Variants in CASKIN1 observed in about 807,000 individuals in gnomAD.
CASKIN1 encodes the protein caskin-1.
CASKIN1 carries 42 observed loss-of-function variants against 117.5 expected under a neutral mutation model. The observed-to-expected ratio is 0.36, with a 90% CI of 0.28 to 0.46. The LOEUF (loss-of-function observed/expected upper bound fraction) is 0.46, where lower values mean the gene tolerates loss of function less well. Ranked by LOEUF, CASKIN1 falls within the 20% of genes least tolerant of loss-of-function variation. The pLI is 1.00. For missense variants in CASKIN1, 2,083 were observed against 2,077.3 expected (o/e 1.00, Z -0.05); for synonymous variants, 1,148 against 961.7 (o/e 1.19, Z -3.59).
At position 2,184,781 on chromosome 16, in the gene CASKIN1, C is replaced by T. The variant is rs560777016; in HGVS notation, c.1412G>A (p.Gly471Asp). The change falls in exon 14 of 20, where the codon GGC becomes GAC. Residue 471 changes from glycine (G) to aspartate (D), a missense_variant. Transcript: ENST00000343516. ...PPKKLEPASE[G>D]KSSEAVSQWL... is the part of the protein sequence containing the mutation. ...GAACACCCCCAAGCCCTGTACCTTG[C>T]CCTCCGATGCTGGCTCCAGCTTCTT... The T allele has an allele frequency of 1.9e-5, 29 of 1,518,586 alleles. No homozygotes were observed. Among genetic ancestry groups the T allele is most frequent in the Non-Finnish European group, 2.5e-5 (28 of 1,133,904 alleles). 94.1% of individuals were successfully genotyped at this position (1,518,586 alleles called of 1,614,324 possible).
Position 2,187,442 on chromosome 16 carries a change from T to C in CASKIN1, c.637A>G (p.Ile213Val), listed in dbSNP as rs903659369. The C allele has an allele frequency of 3.1e-6, 5 of 1,606,980 alleles. No individual in the cohort carries two copies. Among genetic ancestry groups the C allele is most frequent in the Admixed American group, 1.7e-5 (1 of 60,020 alleles). Residue 213 changes from isoleucine to valine, a missense_variant, in exon 7 of 20, where the codon ATC becomes GTC. Coordinates refer to ENST00000343516, the MANE Select transcript of CASKIN1 (RefSeq NM_020764.4). ...DIIRLLLQAG[I>V]DINRQTKSGT... is the part of the protein sequence containing the mutation. ...GACTTGGTCTGGCGGTTAATGTCGA[T>C]GCCGGCTTGGAGGAGGAGCCTGGCG...
At position 2,186,665 on chromosome 16, in the gene CASKIN1, C is replaced by T. The variant is rs368667967; in HGVS notation, c.1048+42G>A. 48 of 1,560,318 alleles carry T rather than the reference C, an allele frequency of 3.1e-5. No individual in the cohort carries two copies. The African/African-American group carries it at 5.9e-4, about 19-fold the overall frequency. ...CACTCGCTGCTTCCAGCCCCCAAGC[C>T]CAGGGGCTCCTGCCTGCCCCCCAGG... On this transcript the variant is annotated intron_variant, in intron 10 of 19. Coordinates refer to ENST00000343516, the MANE Select transcript of CASKIN1 (RefSeq NM_020764.4).
In CASKIN1 at chr16:2,177,700, C is replaced by T. The variant is rs909781831; in HGVS notation, c.*850G>A. 4 of 242,192 alleles carry T rather than the reference C, an allele frequency of 1.7e-5. No individual in the cohort carries two copies. Among genetic ancestry groups the T allele is most frequent in the Non-Finnish European group, 2.4e-5 (3 of 123,036 alleles). The allele number at this position is 242,192 out of a possible 1,614,324, so 15.0% of individuals were successfully genotyped here. A position where few individuals can be genotyped will look rare whatever the true frequency, so the allele number is the denominator to read the frequency against. On this transcript the variant is annotated 3_prime_UTR_variant, in exon 20 of 20. Transcript: ENST00000343516. ...TGGCCTGCTACATGCCCTGCTTCCACGTGGCTGCCACGCTGACACACCCAC... is the reference window on the plus strand; with the variant it reads ...TGGCCTGCTACATGCCCTGCTTCCATGTGGCTGCCACGCTGACACACCCAC...
chr16:2,188,928 C>T (rs984352544), intron 6 of CASKIN1, 99 bp downstream of exon 6: 6 of 1,502,714 alleles, frequency 4.0e-6, no homozygotes, highest in South Asian at 1.3e-5. Flanking sequence ...CTGCCTGCTC[C>T]CGCCCTATCC....
Position 2,180,078 on chromosome 16 carries a change from C to T in CASKIN1, c.3290G>A (p.Arg1097Gln), listed in dbSNP as rs867315410. 11 of 1,568,932 alleles carry T rather than the reference C, an allele frequency of 7.0e-6. No individual in the cohort carries two copies. The East Asian group carries it at 7.2e-5, about 10-fold the overall frequency. Reference sequence around the variant, plus strand: ...CTTGGAGGGACCCCGAGGCCGCTGCCGGCCAGTGCCATCCTCCACAAAGGG... The same window carrying T: ...CTTGGAGGGACCCCGAGGCCGCTGCTGGCCAGTGCCATCCTCCACAAAGGG... The part of the protein sequence containing the change: ...PGPFVEDGTG[R>Q]QRPRGPSKGE... The change falls in exon 18 of 20, where the codon CGG (arginine) becomes CAG (glutamine). Residue 1097 changes from arginine to glutamine, a missense_variant. Coordinates refer to ENST00000343516, the MANE Select transcript of CASKIN1 (RefSeq NM_020764.4).
rs1394286547 is a variant in CASKIN1 at position 2,187,461 on chromosome 16, C to G, written c.618G>C (p.Arg206Ser). The change falls in exon 7 of 20, where the codon AGG (arginine) becomes AGC (serine). Residue 206 changes from arginine to serine, a missense_variant and splice_region_variant. By Grantham distance (110) the Arg-to-Ser change is moderately radical (BLOSUM62 -1). Around this residue, in one of 3 missense-constraint regions of CASKIN1, gnomAD observed 203 missense variants for 338.7 expected, o/e 0.60. Transcript: ENST00000343516. Reference protein sequence around the residue: ...AAKNGHIDIIRLLLQAGIDIN... With the variant: ...AAKNGHIDIISLLLQAGIDIN... ...TGTCGATGCCGGCTTGGAGGAGGAG[C>G]CTGGCGGGAAGGCAAGGTGGACAGG... The G allele has an allele frequency of 6.2e-7, 1 of 1,602,806 alleles. No homozygotes were observed. The highest frequency in any genetic ancestry group is 8.5e-7 in the Non-Finnish European group (1 of 1,179,638).
In CASKIN1 at chr16:2,184,828, C is replaced by A; in HGVS notation, c.1365G>T (p.Gln455His). The A allele has an allele frequency of 6.4e-7, 1 of 1,557,746 alleles. No homozygotes were observed. Among genetic ancestry groups the A allele is most frequent in the African/African-American group, 1.4e-5 (1 of 73,074 alleles). ...TCTTGGGCGGCTGCTCCCCATAGAC[C>A]TGCCCGGCGTGGGCCACTGGAGGCT... is the stretch of plus-strand genomic sequence containing the variant. ...RSQPPVAHAG[Q>H]VYGEQPPKKL... Residue 455 changes from glutamine (Q) to histidine (H), a missense_variant, in exon 14 of 20, where the codon CAG becomes CAT. Physicochemically the swap from Gln to His is conservative, Grantham distance 24 (BLOSUM62 0). This residue lies in a region of CASKIN1 where 1,818 missense variants were observed against 1,688.9 expected (regional missense o/e 1.08). Transcript: ENST00000343516.
chr16:2,188,907 G>A, intron 6 of CASKIN1, 120 bp downstream of exon 6: 3 of 1,412,114 alleles, frequency 2.1e-6, no homozygotes, highest in Non-Finnish European at 2.9e-6. Context: ...CCTGACCAGG[G>A]ACCTGGGACC....
Position 2,186,993 on chromosome 16 carries a change from T to G in CASKIN1, c.915A>C (p.Ala305=), listed in dbSNP as rs1320440246. The change falls in exon 9 of 20, where the codon GCA becomes GCC. Residue 305 remains alanine, a synonymous_variant. Coordinates refer to ENST00000343516, the MANE Select transcript of CASKIN1 (RefSeq NM_020764.4). ...NYDLTSLNVK[A]GDIITVLEQH... ...CCATGCTTACTGTGATGATGTCCCC[T>G]GCCTTCACGTTGAGGCTGGTCAGGT... The G allele has an allele frequency of 1.2e-6, 2 of 1,613,680 alleles. No individual in the cohort carries two copies. The highest frequency in any genetic ancestry group is 1.7e-6 in the Non-Finnish European group (2 of 1,179,914).
chr16:2,196,367 C>T lies in CASKIN1; in HGVS notation c.66G>A (p.Leu22=). ...KAEDVGTAQR[L]LQRPRPGKAK... is the part of the protein sequence containing the mutation. The stretch of plus-strand genomic sequence containing the variant: ...CCTTCCCGGGCCGCGGCCTCTGCAG[C>T]AGCCTCTGCGCGGTCCCTACGTCCT... The change falls in exon 1 of 20, where the codon CTG becomes CTA. Residue 22 remains leucine (L), a synonymous_variant. Coordinates refer to ENST00000343516, the MANE Select transcript of CASKIN1 (RefSeq NM_020764.4). This position sits in a 1 kb window ranked among gnomAD's most constrained non-coding sequence, Gnocchi z 5.7. 7.4e-7 allele frequency: 1 copy of T among 1,352,276 alleles called. No homozygotes were observed. Among genetic ancestry groups the T allele is most frequent in the South Asian group, 1.5e-5 (1 of 67,536 alleles). 83.8% of individuals were successfully genotyped at this position (1,352,276 alleles called of 1,614,324 possible). A position where few individuals can be genotyped will look rare whatever the true frequency, so the allele number is the denominator to read the frequency against.
chr16:2,184,722 C>T lies in CASKIN1; in HGVS notation c.1416+55G>A, dbSNP rs893832292. 2.8e-5 allele frequency: 40 copies of T among 1,405,684 alleles called. 1 individual carries two copies. The Middle Eastern group carries it at 7.7e-4, about 27-fold the overall frequency. The allele number at this position is 1,405,684 out of a possible 1,614,324, so 87.1% of individuals were successfully genotyped here. ...GCCGTGTAAGCACCCATCAGCCCAT[C>T]GGCCTTACAGCCTCTCCCCGGAGCC... On this transcript the variant is annotated intron_variant, in intron 14 of 19. Coordinates refer to ENST00000343516, the MANE Select transcript of CASKIN1 (RefSeq NM_020764.4).
intron 8 of CASKIN1, 38 bp downstream of exon 8, chr16:2,187,128 A>G: frequency 6.2e-7 from 1 of 1,612,830 alleles, no homozygotes; most frequent in Non-Finnish European, 8.5e-7. Flanking sequence ...GCCCAGCCCC[A>G]GCCCCAGCCA....
At chr16:2,188,888 T>C (rs1024328724) in intron 6 of CASKIN1, 139 bp downstream of exon 6, 15 of 1,248,068 alleles carry the variant, frequency 1.2e-5, no homozygotes, top group Non-Finnish European at 1.7e-5. Context: ...CTGGAGGCCA[T>C]GCCAGAGGCC....
rs780556667 is a variant in CASKIN1, at chr16:2,180,271, C to G, written c.3097G>C (p.Ala1033Pro). The G allele has an allele frequency of 5.0e-5, 78 of 1,562,802 alleles. No homozygotes were observed. The highest frequency in any genetic ancestry group is 6.7e-5 in the Non-Finnish European group (77 of 1,156,152). ...GCCACCCGGCCCGGCTCTGGGCTGG[C>G]AGGGCGGGGAGTGGGGTGGCCCTCA... ...PPEGHPTPRP[A>P]SPEPGRVATV... The change falls in exon 18 of 20, where the codon GCC (alanine) becomes CCC (proline). Residue 1033 changes from alanine (A) to proline (P), a missense_variant. By Grantham distance (27) the Ala-to-Pro change is conservative. This residue lies in a region of CASKIN1 where 1,818 missense variants were observed against 1,688.9 expected (regional missense o/e 1.08). Transcript: ENST00000343516.
chr16:2,187,187 C>T lies in CASKIN1; in HGVS notation c.814G>A (p.Glu272Lys). The T allele has an allele frequency of 6.2e-7, 1 of 1,614,028 alleles. No homozygotes were observed. Among genetic ancestry groups the T allele is most frequent in the Non-Finnish European group, 8.5e-7 (1 of 1,179,976 alleles). ...CCACCTCGCAACAGCTGCTTGATCT[C>T]CCTGCTGGCCTGGGACGTGGTGAAC... ...HQFTTSQASREIKQLLREASA... is the reference protein window; with the variant it reads ...HQFTTSQASRKIKQLLREASA... The change falls in exon 8 of 20, where the codon GAG becomes AAG. Residue 272 changes from glutamate (E) to lysine (K), a missense_variant. This residue lies in a region of CASKIN1 where 203 missense variants were observed against 338.7 expected (regional missense o/e 0.60). Transcript: ENST00000343516.
In CASKIN1 at chr16:2,181,010, G is replaced by A; in HGVS notation, c.2358C>T (p.Gly786=). ...PPQTPTKTRP[G]SPQALGGPHG... is the part of the protein sequence containing the mutation. ...GAGGTCCCCCAAGGGCCTGGGGAGA[G>A]CCTGGTCGGGTTTTGGTGGGCGTCT... Residue 786 remains glycine, a synonymous_variant, in exon 18 of 20, where the codon GGC becomes GGT. Coordinates refer to ENST00000343516, the MANE Select transcript of CASKIN1 (RefSeq NM_020764.4). 3 of 1,485,594 alleles carry A rather than the reference G, an allele frequency of 2.0e-6. No individual in the cohort carries two copies. The highest frequency in any genetic ancestry group is 2.7e-6 in the Non-Finnish European group (3 of 1,122,458). The allele number at this position is 1,485,594 out of a possible 1,614,324, so 92.0% of individuals were successfully genotyped here. A position where few individuals can be genotyped will look rare whatever the true frequency, so the allele number is the denominator to read the frequency against.
chr16:2,181,662 G>T, intron 17 of CASKIN1, 63 bp from the exon 18 acceptor site: 1 of 1,485,818 alleles, frequency 6.7e-7, no homozygotes, highest in Non-Finnish European at 9.0e-7. Flanking sequence ...GGCCGGGCTA[G>T]GGGCGGGGCT....
intron 6 of CASKIN1, 98 bp from the exon 7 acceptor site, chr16:2,187,559 A>G: frequency 2.1e-6 from 2 of 943,356 alleles, no homozygotes; most frequent in Non-Finnish European, 1.6e-6. Context: ...CCCAGCAGTC[A>G]GCTTGGGGGC....
At position 2,189,527 on chromosome 16, in the gene CASKIN1, C is replaced by T. The variant is rs1473082186; in HGVS notation, c.282G>A (p.Arg94=). 3 of 1,611,494 alleles carry T rather than the reference C, an allele frequency of 1.9e-6. No individual in the cohort carries two copies. Among genetic ancestry groups the T allele is most frequent in the Non-Finnish European group, 2.5e-6 (3 of 1,179,644 alleles). The change falls in exon 4 of 20, where the codon CGG becomes CGA. Residue 94 remains arginine (R), a synonymous_variant. Coordinates refer to ENST00000343516, the MANE Select transcript of CASKIN1 (RefSeq NM_020764.4). ...TCAGCACCAGCTTCATGGGCTCCTTCCGGCCCTGCCAGGCCGCATAGTGCA... is the reference window on the plus strand; with the variant it reads ...TCAGCACCAGCTTCATGGGCTCCTTTCGGCCCTGCCAGGCCGCATAGTGCA... The part of the protein sequence containing the change: ...RPLHYAAWQG[R]KEPMKLVLKA...
Sources: allele counts gnomAD v4.1 joint callset, GRCh38; gene constraint gnomAD v4.1.1; regional missense constraint gnomAD v4.1.1; non-coding constraint Gnocchi (gnomAD v3.1); transcripts MANE v1.5; gene names NCBI Gene and HGNC (gene_info 2026-07-23, HGNC 2026-07-21).